The following NAV1 variants were observed in gnomAD, a reference collection of about 807,000 sequenced individuals.
The protein encoded by NAV1 is neuron navigator 1.
NAV1 carries 18 observed loss-of-function variants against 175.2 expected under a neutral mutation model. The observed-to-expected ratio is 0.10, with a 90% CI of 0.07 to 0.15. The LOEUF is 0.15. NAV1 is among the 10% of genes least tolerant of loss of function. NAV1 has a pLI of 1.00. For missense variants in NAV1, 1,731 were observed against 2,436.6 expected, an observed-to-expected ratio of 0.71 and a Z score of 6.10; for synonymous variants, 897 against 978.7, an observed-to-expected ratio of 0.92 and a Z score of 1.56.
intron 1 of NAV1, among the ~76,000 whole-genome samples, chr1:201,691,245 A>G (rs116169837): frequency 0.019 from 2,878 of 152,248 alleles, 94 homozygotes; most frequent in African/African-American, 0.066. Flanking sequence ...GACATCACCA[A>G]ATGTCCCCTG....
chr1:201,708,907 G>T (rs1023755752), intron 1 of NAV1, among the ~76,000 whole-genome samples: 1 of 152,110 alleles, frequency 6.6e-6, no homozygotes, highest in Admixed American at 6.6e-5. Flanking sequence ...CCAGCACTTT[G>T]GGGGGCTGAG....
chr1:201,547,063 C>T (rs946415410), intron 1 of NAV1, among the ~76,000 whole-genome samples: 16 of 151,638 alleles, frequency 1.1e-4, no homozygotes, highest in Admixed American at 4.6e-4. Flanking sequence ...CTCAGCTCAC[C>T]GTAACCTCCG....
intron 1 of NAV1, among the ~76,000 whole-genome samples, chr1:201,571,013 G>A (rs1170254342): frequency 2.0e-5 from 3 of 152,370 alleles, no homozygotes; most frequent in East Asian, 1.9e-4. Context: ...CCCTGCCAGG[G>A]TCGAGGTGTC....
intron 3 of NAV1, among the ~76,000 whole-genome samples, chr1:201,720,335 G>T (rs560187425): frequency 1.3e-5 from 2 of 152,338 alleles, no homozygotes; most frequent in South Asian, 4.1e-4. Context: ...TGTGTTAGAA[G>T]AACCATAGCC....
At position 201,813,094 on chromosome 1, in the gene NAV1, A is replaced by C. The variant is rs115302127; in HGVS notation, c.5222-46A>C. 487 of 1,369,046 alleles carry C rather than the reference A, an allele frequency of 3.6e-4. 1 individual carries two copies. The African/African-American group carries it at 5.2e-3, about 15-fold the overall frequency. 84.8% of individuals were successfully genotyped at this position (1,369,046 alleles called of 1,614,324 possible). A position where few individuals can be genotyped will look rare whatever the true frequency, so the allele number is the denominator to read the frequency against. On this transcript the variant is annotated intron_variant, in intron 27 of 29. Transcript: ENST00000367296. The surrounding 1 kb of genome is among the most constrained non-coding windows in gnomAD (Gnocchi z 4.2). ...GAGTAAAAGAGGCACACAACCGGGA[A>C]GATCTAGGTTCCCAGCCATCTTCAT...
At chr1:201,576,581 A>G (rs1361921282) in intron 1 of NAV1, among the ~76,000 whole-genome samples, 1 of 152,188 alleles carries the variant, frequency 6.6e-6, no homozygotes, top group Admixed American at 6.5e-5. Context: ...TCCAAAAAAA[A>G]AAATAATAAA....
chr1:201,682,615 C>T (rs1489489981), intron 1 of NAV1, among the ~76,000 whole-genome samples: 1 of 152,070 alleles, frequency 6.6e-6, no homozygotes, highest in African/African-American at 2.4e-5. Flanking sequence ...AGTCAAGACC[C>T]GCATTCAGCT....
chr1:201,712,885 A>G, exon 2 of NAV1: 2 of 1,613,928 alleles, frequency 1.2e-6, no homozygotes, highest in Non-Finnish European at 1.7e-6. Flanking sequence ...GGAAGAGACC[A>G]TGTCCAGCCT....
chr1:201,648,601 C>T, exon 1 of NAV1: 1 of 1,254,656 alleles, frequency 8.0e-7, no homozygotes, highest in Non-Finnish European at 1.0e-6. Context: ...CTCCTGCGCT[C>T]CCGCCCCCTG....
intron 2 of NAV1, among the ~76,000 whole-genome samples, chr1:201,593,576 G>A (rs1470613701): frequency 6.6e-6 from 1 of 152,146 alleles, no homozygotes; most frequent in Admixed American, 6.6e-5. Flanking sequence ...TTCTCTTTTG[G>A]CGCATTCTCT....
At chr1:201,766,257 A>G (rs578226834) in intron 3 of NAV1, among the ~76,000 whole-genome samples, 1 of 152,178 alleles carries the variant, frequency 6.6e-6, no homozygotes, top group East Asian at 1.9e-4. Context: ...TCTGCGATTC[A>G]TCCTTTCCTC....
chr1:201,541,772 C>CT (rs368548164), intron 1 of NAV1, among the ~76,000 whole-genome samples: 5 of 151,992 alleles, frequency 3.3e-5, no homozygotes, highest in African/African-American at 4.8e-5. Flanking sequence ...GAAACTCCAT[C>CT]TTTTTTTTAA....
At chr1:201,572,215 G>A (rs1666565057) in intron 1 of NAV1, among the ~76,000 whole-genome samples, 1 of 152,126 alleles carries the variant, frequency 6.6e-6, no homozygotes, top group African/African-American at 2.4e-5. Context: ...GACAAGCATG[G>A]TGGGCTTCTG....
Position 201,739,841 on chromosome 1 carries a change from A to C in NAV1, c.1226+21086A>C, listed in dbSNP as rs1203537706. Reference sequence around the variant, plus strand: ...GCTCTGTCACTTTAAGTACAGCTGGAGCCGTAAGTACAAGCCCTGGTGGTG... The same window carrying C: ...GCTCTGTCACTTTAAGTACAGCTGGCGCCGTAAGTACAAGCCCTGGTGGTG... On this transcript the variant is annotated intron_variant, in intron 3 of 29. Transcript: ENST00000367296. 4 of 1,251,780 alleles carry C rather than the reference A, an allele frequency of 3.2e-6. No individual in the cohort carries two copies. In the African/African-American group the frequency reaches 6.2e-5, roughly 19 times the overall value. The allele number at this position is 1,251,780 out of a possible 1,614,324, so 77.5% of individuals were successfully genotyped here. A position where few individuals can be genotyped will look rare whatever the true frequency, so the allele number is the denominator to read the frequency against.
At chr1:201,617,302 T>C (rs1668033758) in intron 2 of NAV1, among the ~76,000 whole-genome samples, 1 of 151,876 alleles carries the variant, frequency 6.6e-6, no homozygotes, top group South Asian at 2.1e-4. Flanking sequence ...AGAAACACTC[T>C]CCTTGCTTGC....
At chr1:201,659,032 T>G (rs1669510620) in intron 1 of NAV1, among the ~76,000 whole-genome samples, 1 of 152,202 alleles carries the variant, frequency 6.6e-6, no homozygotes, top group South Asian at 2.1e-4. Flanking sequence ...GGTGCAGTGC[T>G]CTGCCCTGAC....
intron 1 of NAV1, among the ~76,000 whole-genome samples, chr1:201,701,009 C>CAAAAAAAAAA (rs386369321): frequency 5.7e-5 from 3 of 52,762 alleles, no homozygotes; most frequent in African/African-American, 1.8e-4. Flanking sequence ...GACTCTGTCT[C>CAAAAAAAAAA]AAAAAAAAAA....
Position 201,813,928 on chromosome 1 carries a change from G to A in NAV1, c.5340+670G>A, listed in dbSNP as rs1452460611. ...AAAAATTAGCCAGACGTGGTGGTGG[G>A]CGCCTGCAGTCCCAGCTACTTGGAA... On this transcript the variant is annotated intron_variant, in intron 28 of 29. Coordinates refer to ENST00000367296, the Ensembl canonical transcript of NAV1. This position sits in a 1 kb window ranked among gnomAD's most constrained non-coding sequence, Gnocchi z 4.2. Among the ~76,000 whole-genome samples, 1 of 151,986 alleles carries A rather than the reference G, an allele frequency of 6.6e-6. No homozygotes were observed. Among genetic ancestry groups the A allele is most frequent in the African/African-American group, 2.4e-5 (1 of 41,376 alleles).
intron 1 of NAV1, among the ~76,000 whole-genome samples, chr1:201,705,869 C>T (rs1226067665): frequency 1.4e-5 from 1 of 71,762 alleles, no homozygotes; most frequent in Non-Finnish European, 3.7e-5. Context: ...GTTTTCCATA[C>T]CTGCCCCCAG....
Sources: allele counts gnomAD v4.1 joint callset (sites outside exome capture counted in the v4.1 genomes callset), GRCh38; gene constraint gnomAD v4.1.1; non-coding constraint Gnocchi (gnomAD v3.1); transcripts MANE v1.5; gene names NCBI Gene and HGNC (gene_info 2026-07-23, HGNC 2026-07-21).